PPP1R14C: variants seen among roughly 807,000 people sequenced by gnomAD.
PPP1R14C encodes the protein protein phosphatase 1 regulatory inhibitor subunit 14C.
PPP1R14C carries 16 observed loss-of-function variants against 20.4 expected under a neutral mutation model. That is an observed-to-expected ratio of 0.78 (90% CI 0.53 to 1.19). The LOEUF is 1.19. PPP1R14C is among the 50% of genes most tolerant of loss of function. The pLI is 0.00. For synonymous variants in PPP1R14C, 91 were observed against 91.0 expected (o/e 1.00, Z 0.00); for missense variants, 211 against 220.1 (o/e 0.96, Z 0.26).
intron 1 of PPP1R14C, among the ~76,000 whole-genome samples, chr6:150,210,044 G>A (rs928384471): frequency 3.9e-5 from 6 of 152,004 alleles, no homozygotes; most frequent in Non-Finnish European, 5.9e-5. Context: ...TTGTCACTGC[G>A]GGCCAGCTGT....
chr6:150,237,055 C>T (rs73011624), intron 3 of PPP1R14C, among the ~76,000 whole-genome samples: 5 of 152,080 alleles, frequency 3.3e-5, no homozygotes, highest in Non-Finnish European at 7.4e-5. Context: ...ATCCATGCCC[C>T]AGCCTGAGCA....
At chr6:150,246,517 A>T (rs575125055) in intron 3 of PPP1R14C, among the ~76,000 whole-genome samples, 26 of 152,332 alleles carry the variant, frequency 1.7e-4, no homozygotes, top group Admixed American at 1.5e-3. Context: ...TATCCTAGAA[A>T]ATTATTTAAA....
chr6:150,226,712 T>A (rs1778234945), intron 3 of PPP1R14C, among the ~76,000 whole-genome samples: 1 of 152,236 alleles, frequency 6.6e-6, no homozygotes, highest in African/African-American at 2.4e-5. Flanking sequence ...CATTTATTTT[T>A]TTTTTGAACT....
intron 1 of PPP1R14C, chr6:150,194,422 A>G: frequency 1.0e-6 from 1 of 982,344 alleles, no homozygotes; most frequent in Non-Finnish European, 1.2e-6. Flanking sequence ...GAGAGTATGT[A>G]CAAAATGATA....
Position 150,143,117 on chromosome 6 carries a change from C to T in PPP1R14C, c.-76C>T, listed in dbSNP as rs937817483. ...AGCCCTTCGCATGCGGCTGCCGGGC[C>T]GGAGGTGGTAGCGGCGCCGGGCGCG... On this transcript the variant is annotated 5_prime_UTR_variant, in exon 1 of 4. Coordinates refer to ENST00000361131, the MANE Select transcript of PPP1R14C (RefSeq NM_030949.3). This position sits in a 1 kb window ranked among gnomAD's most constrained non-coding sequence, Gnocchi z 5.6. The T allele has an allele frequency of 5.1e-6, 6 of 1,166,896 alleles. No homozygotes were observed. The highest frequency in any genetic ancestry group is 4.4e-5 in the East Asian group (1 of 22,746). 72.3% of individuals were successfully genotyped at this position (1,166,896 alleles called of 1,614,324 possible).
intron 3 of PPP1R14C, among the ~76,000 whole-genome samples, chr6:150,224,822 T>C (rs116545208): frequency 8.3e-4 from 126 of 152,320 alleles, no homozygotes; most frequent in African/African-American, 2.9e-3. Flanking sequence ...TAATTTTTTT[T>C]TGATATCTGA....
At chr6:150,178,849 T>A (rs1441946264) in intron 1 of PPP1R14C, among the ~76,000 whole-genome samples, 1 of 152,194 alleles carries the variant, frequency 6.6e-6, no homozygotes, top group Non-Finnish European at 1.5e-5. Flanking sequence ...AATTTCTTCA[T>A]CTGCAGAGGA....
At chr6:150,216,763 C>A in intron 2 of PPP1R14C, 61 bp from the exon 3 acceptor site, 1 of 1,129,320 alleles carries the variant, frequency 8.9e-7, no homozygotes, top group Non-Finnish European at 1.3e-6. Context: ...TTTAATTTTG[C>A]CTTAAAAATA....
intron 1 of PPP1R14C, among the ~76,000 whole-genome samples, chr6:150,152,501 C>T (rs1018377454): frequency 6.6e-6 from 1 of 152,172 alleles, no homozygotes; most frequent in African/African-American, 2.4e-5. Context: ...TGTCTCTAGG[C>T]ACCCCCAGCC....
intron 1 of PPP1R14C, among the ~76,000 whole-genome samples, chr6:150,186,744 CAA>C (rs1777681483): frequency 6.6e-6 from 1 of 152,168 alleles, no homozygotes; most frequent in African/African-American, 2.4e-5. Context: ...GTGGCTGACT[CAA>C]AGACTGAGCA....
chr6:150,199,764 T>C (rs1777853513), intron 1 of PPP1R14C, among the ~76,000 whole-genome samples: 1 of 151,584 alleles, frequency 6.6e-6, no homozygotes, highest in Non-Finnish European at 1.5e-5. Flanking sequence ...AGCTCCTCAG[T>C]AGGTTGAGGC....
intron 1 of PPP1R14C, among the ~76,000 whole-genome samples, chr6:150,179,669 C>T (rs565161312): frequency 7.9e-5 from 12 of 151,816 alleles, no homozygotes; most frequent in Middle Eastern, 3.2e-3. Context: ...GGATAATATC[C>T]ATGAAGGCTC....
At chr6:150,244,235 A>G (rs1028386489) in intron 3 of PPP1R14C, among the ~76,000 whole-genome samples, 5 of 150,624 alleles carry the variant, frequency 3.3e-5, no homozygotes, top group Non-Finnish European at 4.4e-5. Flanking sequence ...AACTTCTCTC[A>G]TCTAAGACAC....
At chr6:150,243,271 G>A (rs1021055852) in intron 3 of PPP1R14C, among the ~76,000 whole-genome samples, 3 of 151,788 alleles carry the variant, frequency 2.0e-5, no homozygotes, top group African/African-American at 7.3e-5. Flanking sequence ...CGCCTCCCGG[G>A]TTCAAGCAAT....
At position 150,214,832 on chromosome 6, in the gene PPP1R14C, G is replaced by A. The variant is rs1562271695; in HGVS notation, c.390+5G>A. On this transcript the variant is annotated splice_donor_5th_base_variant and intron_variant, in intron 2 of 3. Coordinates refer to ENST00000361131, the MANE Select transcript of PPP1R14C (RefSeq NM_030949.3). ...GAGAGAGCTTCAAAATTACAGGTAA[G>A]CAGTTTCCAAAATTGAGAACCTTCT... 1.2e-6 allele frequency: 2 copies of A among 1,603,888 alleles called. No individual in the cohort carries two copies. Among genetic ancestry groups the A allele is most frequent in the African/African-American group, 1.3e-5 (1 of 74,470 alleles).
chr6:150,161,021 T>C (rs970820491), intron 1 of PPP1R14C, among the ~76,000 whole-genome samples: 3 of 152,188 alleles, frequency 2.0e-5, no homozygotes, highest in Admixed American at 2.0e-4. Flanking sequence ...GGCTCATGCC[T>C]GTAATCCCAG....
chr6:150,227,901 A>G (rs2114921616), intron 3 of PPP1R14C, among the ~76,000 whole-genome samples: 1 of 152,334 alleles, frequency 6.6e-6, no homozygotes, highest in African/African-American at 2.4e-5. Context: ...TTAATAGCCC[A>G]AAGGATTTTG....
At chr6:150,172,330 A>G (rs1299367418) in intron 1 of PPP1R14C, among the ~76,000 whole-genome samples, 1 of 152,212 alleles carries the variant, frequency 6.6e-6, no homozygotes, top group Non-Finnish European at 1.5e-5. Flanking sequence ...GAGACTAGAC[A>G]GCTTTTTAGA....
At chr6:150,158,495 G>C (rs1000059672) in intron 1 of PPP1R14C, among the ~76,000 whole-genome samples, 9 of 152,158 alleles carry the variant, frequency 5.9e-5, no homozygotes, top group Non-Finnish European at 1.2e-4. Context: ...TATCACATTT[G>C]AGTTAAGTGA....
Sources: allele counts gnomAD v4.1 joint callset (sites outside exome capture counted in the v4.1 genomes callset), GRCh38; gene constraint gnomAD v4.1.1; non-coding constraint Gnocchi (gnomAD v3.1); transcripts MANE v1.5; gene names NCBI Gene and HGNC (gene_info 2026-07-23, HGNC 2026-07-21).